Variants in FAT1 observed in about 807,000 individuals in gnomAD.
FAT1 encodes protocadherin Fat 1.
FAT1 carries 171 observed loss-of-function variants against 329.8 expected under a neutral mutation model. The observed-to-expected ratio is 0.52, with a 90% CI of 0.46 to 0.59. The LOEUF is 0.59. FAT1 is among the 20% of genes least tolerant of loss of function. FAT1 has a pLI of 0.00. For missense variants in FAT1, 5,672 were observed against 5,774.4 expected (o/e 0.98, Z 0.57); for synonymous variants, 2,233 against 2,228.6 (o/e 1.00, Z -0.06).
At chr4:186,627,496 G>C (rs553763048) in intron 9 of FAT1, among the ~76,000 whole-genome samples, 2 of 152,068 alleles carry the variant, frequency 1.3e-5, no homozygotes, top group Non-Finnish European at 2.9e-5. Context: ...TCTGGGTCCC[G>C]GAACCGTCCA....
chr4:186,610,087 T>C, intron 14 of FAT1, 72 bp from the exon 15 acceptor site: 1 of 864,734 alleles, frequency 1.2e-6, no homozygotes. Context: ...CTGAAATAGA[T>C]GAATGCTTTT....
At chr4:186,676,896 T>C (rs1056341872) in intron 2 of FAT1, among the ~76,000 whole-genome samples, 1 of 152,200 alleles carries the variant, frequency 6.6e-6, no homozygotes, top group Non-Finnish European at 1.5e-5. Flanking sequence ...AAGAATCATA[T>C]GCAATTCAGT....
At chr4:186,623,016 G>A (rs902663871) in intron 9 of FAT1, among the ~76,000 whole-genome samples, 1 of 152,222 alleles carries the variant, frequency 6.6e-6, no homozygotes, top group African/African-American at 2.4e-5. Flanking sequence ...ATCATTAACA[G>A]GAAACACTTC....
At position 186,663,530 on chromosome 4, in the gene FAT1, C is replaced by T. The variant is rs149295542; in HGVS notation, c.3349G>A (p.Val1117Met). ...ATCTCTATGAACGATGAAAGAGGCA[C>T]GACACCCTGATCGGTTGCAAAGACT... The part of the protein sequence containing the change: ...LTVFATDQGV[V>M]PLSSFIEIYI... Residue 1117 changes from valine to methionine, a missense_variant, in exon 3 of 27, where the codon GTG becomes ATG. Transcript: ENST00000441802. 800 of 1,613,162 alleles carry T rather than the reference C, an allele frequency of 5.0e-4. 1 individual carries two copies. The African/African-American group carries it at 6.7e-3, about 14-fold the overall frequency.
chr4:186,628,198 T>G lies in FAT1; in HGVS notation c.4766A>C (p.Lys1589Thr). Residue 1589 changes from lysine to threonine, a missense_variant, in exon 9 of 27, where the codon AAG (lysine) becomes ACG (threonine). By Grantham distance (78) the Lys-to-Thr change is moderately conservative. Around this residue, in one of 2 missense-constraint regions of FAT1, gnomAD observed 3,966 missense variants for 3,915.2 expected, o/e 1.01. Coordinates refer to ENST00000441802, the MANE Select transcript of FAT1 (RefSeq NM_005245.4). The stretch of plus-strand genomic sequence containing the variant: ...CACTTCAGCATTTTTCCCTTTGTCC[T>G]TGTCCAGAGCCGTCACCTGCAACAC... ...SVVLQVTALDKDKGKNAEVLY... is the reference protein window; with the variant it reads ...SVVLQVTALDTDKGKNAEVLY... 6.2e-7 allele frequency: 1 copy of G among 1,613,968 alleles called. No individual in the cohort carries two copies. Among genetic ancestry groups the G allele is most frequent in the Non-Finnish European group, 8.5e-7 (1 of 1,179,870 alleles).
rs1356341354 is a variant in FAT1 at position 186,707,622 on chromosome 4, C to T, written c.2206G>A (p.Val736Ile). The T allele has an allele frequency of 6.2e-7, 1 of 1,613,896 alleles. No individual in the cohort carries two copies. The highest frequency in any genetic ancestry group is 8.5e-7 in the Non-Finnish European group (1 of 1,179,904). Residue 736 changes from valine to isoleucine, a missense_variant, in exon 2 of 27, where the codon GTA becomes ATA. Val to Ile is a conservative substitution (Grantham distance 29, BLOSUM62 3). Around this residue, in one of 2 missense-constraint regions of FAT1, gnomAD observed 3,966 missense variants for 3,915.2 expected, o/e 1.01. Transcript: ENST00000441802. ...AGGTCAGTGGAGTTCATGAAAATTA[C>T]ACTGGAACCCACAGGCTGGTTTTCC... is the stretch of plus-strand genomic sequence containing the variant. ...VKENQPVGSSVIFMNSTDLDT... is the reference protein window; with the variant it reads ...VKENQPVGSSIIFMNSTDLDT...
chr4:186,619,744 G>A lies in FAT1; in HGVS notation c.6842C>T (p.Pro2281Leu), dbSNP rs2126508719. ...CGCATAAGACTGCTGAGCAAACACA[G>A]GAGGGTTATCATTGATGTCGTCTAC... Reference protein sequence around the residue: ...IIVDDINDNPPVFAQQSYAVT... With the variant: ...IIVDDINDNPLVFAQQSYAVT... The change falls in exon 10 of 27, where the codon CCT becomes CTT. Residue 2281 changes from proline (P) to leucine (L), a missense_variant. Physicochemically the swap from Pro to Leu is moderately conservative, Grantham distance 98. This residue lies in a region of FAT1 where 3,966 missense variants were observed against 3,915.2 expected (regional missense o/e 1.01). Transcript: ENST00000441802. 1 of 1,613,994 alleles carries A rather than the reference G, an allele frequency of 6.2e-7. No individual in the cohort carries two copies. The highest frequency in any genetic ancestry group is 8.5e-7 in the Non-Finnish European group (1 of 1,179,890).
intron 3 of FAT1, among the ~76,000 whole-genome samples, chr4:186,648,574 C>T (rs186227173): frequency 6.6e-5 from 10 of 152,210 alleles, no homozygotes; most frequent in East Asian, 5.8e-4. Context: ...GGGTCTTTCA[C>T]GATGCTCTAG....
intron 26 of FAT1, among the ~76,000 whole-genome samples, chr4:186,593,605 T>C (rs1188143630): frequency 6.6e-6 from 1 of 152,106 alleles, no homozygotes; most frequent in Non-Finnish European, 1.5e-5. Context: ...CAGTTACGGC[T>C]GGGGGGAGCT....
chr4:186,710,557 A>C (rs1482148954), intron 1 of FAT1, among the ~76,000 whole-genome samples: 1 of 152,234 alleles, frequency 6.6e-6, no homozygotes, highest in African/African-American at 2.4e-5. Flanking sequence ...GGCAATTTAC[A>C]AAAGAAAAAC....
rs1351862435 is a variant in FAT1 at position 186,588,440 on chromosome 4, T to C, written c.*152A>G. On this transcript the variant is annotated 3_prime_UTR_variant, in exon 27 of 27. Coordinates refer to ENST00000441802, the MANE Select transcript of FAT1 (RefSeq NM_005245.4). ...ATGACAGTAGTTGGGACACTGGAAA[T>C]GGCTAGCACGTCCAGAGGCGCAGGA... The C allele has an allele frequency of 1.2e-6, 1 of 868,534 alleles. No individual in the cohort carries two copies. The highest frequency in any genetic ancestry group is 1.7e-6 in the Non-Finnish European group (1 of 585,784). The allele number at this position is 868,534 out of a possible 1,614,324, so 53.8% of individuals were successfully genotyped here. A position where few individuals can be genotyped will look rare whatever the true frequency, so the allele number is the denominator to read the frequency against.
In FAT1 at chr4:186,603,599, T is replaced by C; in HGVS notation, c.10927A>G (p.Ile3643Val). ...QVTQEMLNHT[I>V]AIRFANLTPE... is the part of the protein sequence containing the mutation. ...GTGAGGTTGGCAAAGCGGATCGCGA[T>C]GGTGTGGTTCAACATCTCCTGTGTG... Residue 3643 changes from isoleucine (I) to valine (V), a missense_variant, in exon 19 of 27, where the codon ATC becomes GTC. By Grantham distance (29) the Ile-to-Val change is conservative. Transcript: ENST00000441802. 1 of 1,614,020 alleles carries C rather than the reference T, an allele frequency of 6.2e-7. No individual in the cohort carries two copies. The highest frequency in any genetic ancestry group is 8.5e-7 in the Non-Finnish European group (1 of 1,179,898).
At chr4:186,714,511 A>C (rs1388656945) in intron 1 of FAT1, among the ~76,000 whole-genome samples, 1 of 152,124 alleles carries the variant, frequency 6.6e-6, no homozygotes, top group Non-Finnish European at 1.5e-5. Context: ...GCAGATAGAA[A>C]TTTGAGAGTT....
intron 3 of FAT1, among the ~76,000 whole-genome samples, chr4:186,654,445 TA>T (rs1741810575): frequency 6.6e-6 from 1 of 152,132 alleles, no homozygotes; most frequent in Non-Finnish European, 1.5e-5. Flanking sequence ...CAAGGAAAAT[TA>T]GGCTTTGCTG....
chr4:186,636,379 G>T, intron 5 of FAT1, 144 bp from the exon 6 acceptor site: 1 of 873,652 alleles, frequency 1.1e-6, no homozygotes. Flanking sequence ...ATGCCTGACA[G>T]AAGAACAATG....
chr4:186,707,691 T>C lies in FAT1; in HGVS notation c.2137A>G (p.Ile713Val), dbSNP rs186269409. The change falls in exon 2 of 27, where the codon ATA becomes GTA. Residue 713 changes from isoleucine to valine, a missense_variant. Around this residue, in one of 2 missense-constraint regions of FAT1, gnomAD observed 3,966 missense variants for 3,915.2 expected, o/e 1.01. Transcript: ENST00000441802. ...FFDSHSVNAH[I>V]PQFRSTLPTG... is the part of the protein sequence containing the mutation. ...GGAAGAGTGCTTCTAAACTGCGGTA[T>C]GTGAGCATTGACAGAGTGAGAATCG... 3 of 1,613,980 alleles carry C rather than the reference T, an allele frequency of 1.9e-6. No homozygotes were observed. Among genetic ancestry groups the C allele is most frequent in the Middle Eastern group, 1.6e-4 (1 of 6,062 alleles).
At chr4:186,701,112 G>T (rs1744290570) in intron 2 of FAT1, among the ~76,000 whole-genome samples, 1 of 152,100 alleles carries the variant, frequency 6.6e-6, no homozygotes, top group Non-Finnish European at 1.5e-5. Flanking sequence ...GCATCAACGT[G>T]GTAAACATCA....
chr4:186,725,899 G>T (rs1203639334), upstream of FAT1, among the ~76,000 whole-genome samples: 4 of 152,180 alleles, frequency 2.6e-5, no homozygotes, highest in African/African-American at 9.7e-5. The surrounding 1 kb of genome is among the most constrained non-coding windows in gnomAD (Gnocchi z 5.4). Flanking sequence ...GGGCCCGGGT[G>T]GGTGGTCAGT....
chr4:186,597,338 A>G, intron 24 of FAT1, 167 bp from the exon 25 acceptor site: 1 of 706,202 alleles, frequency 1.4e-6, no homozygotes, highest in South Asian at 2.1e-5. Context: ...ACGAGAAAAG[A>G]CCTTCTGTGG....
Sources: allele counts gnomAD v4.1 joint callset (sites outside exome capture counted in the v4.1 genomes callset), GRCh38; gene constraint gnomAD v4.1.1; regional missense constraint gnomAD v4.1.1; non-coding constraint Gnocchi (gnomAD v3.1); transcripts MANE v1.5; gene names NCBI Gene and HGNC (gene_info 2026-07-23, HGNC 2026-07-21).